The following CAST variants were observed in gnomAD, a reference collection of about 807,000 sequenced individuals.
CAST encodes the protein calpastatin.
Under a neutral mutation model 119.6 loss-of-function variants are expected in CAST, and 76 were observed. The observed-to-expected ratio is 0.64, with a 90% confidence interval of 0.53 to 0.77. The LOEUF (loss-of-function observed/expected upper bound fraction) is 0.77. Ranked by LOEUF, CAST falls within the 30% of genes least tolerant of loss-of-function variation. CAST has a pLI of 0.00. For synonymous variants in CAST, 319 were observed against 331.6 expected, an observed-to-expected ratio of 0.96 and a Z score of 0.41; for missense variants, 953 against 946.5, an observed-to-expected ratio of 1.01 and a Z score of -0.09.
At chr5:96,299,005 C>T in the CAST span, among the ~76,000 whole-genome samples, 3 of 151,518 alleles carry the variant, frequency 2.0e-5, no homozygotes, top group South Asian at 2.1e-4. Flanking sequence ...TTTGGGAGGC[C>T]GAGGCGGATG....
At chr5:96,211,932 A>G in the CAST span, among the ~76,000 whole-genome samples, 1 of 152,108 alleles carries the variant, frequency 6.6e-6, no homozygotes, top group African/African-American at 2.4e-5. Context: ...TTGCCACAGT[A>G]TTCCCATATT....
the CAST span, among the ~76,000 whole-genome samples, chr5:96,320,515 G>C: frequency 6.6e-6 from 1 of 152,176 alleles, no homozygotes; most frequent in African/African-American, 2.4e-5. Context: ...TGGGATTACA[G>C]GCGTGAGTCA....
chr5:96,062,529 C>T, the CAST span, among the ~76,000 whole-genome samples: 3 of 152,238 alleles, frequency 2.0e-5, no homozygotes, highest in Admixed American at 1.3e-4. Context: ...AGAGGTCCTG[C>T]TTCTCAGAAG....
the CAST span, among the ~76,000 whole-genome samples, chr5:96,225,493 A>G: frequency 2.6e-5 from 4 of 152,222 alleles, no homozygotes; most frequent in Non-Finnish European, 2.9e-5. Context: ...GTGGAAGTCT[A>G]AAAATAAAGA....
At chr5:96,735,126 G>A (rs565974966) in intron 9 of CAST, among the ~76,000 whole-genome samples, 1 of 152,206 alleles carries the variant, frequency 6.6e-6, no homozygotes, top group Non-Finnish European at 1.5e-5. Flanking sequence ...CATTGCAATT[G>A]TAACAGTCAC....
At chr5:96,371,588 T>TCA in the CAST span, among the ~76,000 whole-genome samples, 1 of 152,222 alleles carries the variant, frequency 6.6e-6, no homozygotes, top group Non-Finnish European at 1.5e-5. Flanking sequence ...ATTAGGAGGC[T>TCA]CTCTGTCTCT....
chr5:95,978,663 G>C, the CAST span, among the ~76,000 whole-genome samples: 114 of 152,036 alleles, frequency 7.5e-4, 1 homozygote, highest in African/African-American at 2.1e-3. Context: ...GATCCTATTT[G>C]TCAATTTTTG....
the CAST span, among the ~76,000 whole-genome samples, chr5:96,328,372 C>A: frequency 1.0e-4 from 1 of 9,786 alleles, no homozygotes; most frequent in African/African-American, 5.2e-4. Flanking sequence ...TCTGTCTTTC[C>A]TTCTCTCTCC....
chr5:96,274,884 T>C, the CAST span, among the ~76,000 whole-genome samples: 1 of 152,046 alleles, frequency 6.6e-6, no homozygotes, highest in African/African-American at 2.4e-5. Context: ...AAAAGAAGGG[T>C]CTACAGAAAA....
the CAST span, among the ~76,000 whole-genome samples, chr5:96,174,299 CTTCTAG>C: frequency 6.6e-6 from 1 of 152,200 alleles, no homozygotes. Context: ...TTGGGCCACA[CTTCTAG>C]TTCAAGTTAC....
chr5:96,416,118 G>A, the CAST span: 141 of 1,602,982 alleles, frequency 8.8e-5, 6 homozygotes, highest in Middle Eastern at 6.6e-4. Flanking sequence ...ATCTGGTCCC[G>A]TGTCTGAGGA....
chr5:96,698,706 A>G (rs190053518), intron 3 of CAST, among the ~76,000 whole-genome samples: 136 of 152,328 alleles, frequency 8.9e-4, no homozygotes, highest in Admixed American at 1.0e-3. Flanking sequence ...CACAGTTATC[A>G]TGGCACACAC....
At chr5:96,192,696 A>G in the CAST span, among the ~76,000 whole-genome samples, 7 of 152,210 alleles carry the variant, frequency 4.6e-5, no homozygotes, top group African/African-American at 9.6e-5. Context: ...AGACTTGGCC[A>G]TGTGTCTTGC....
chr5:96,632,769 G>T (rs1028567184), intron 1 of CAST, among the ~76,000 whole-genome samples: 1 of 152,088 alleles, frequency 6.6e-6, no homozygotes, highest in Non-Finnish European at 1.5e-5. Context: ...GTGTGGACTC[G>T]CAGTTCTATT....
chr5:96,601,482 AT>A (rs1247646578), intron 1 of CAST, among the ~76,000 whole-genome samples: 1 of 152,224 alleles, frequency 6.6e-6, no homozygotes, highest in South Asian at 2.1e-4. Context: ...ATTTGAAAGG[AT>A]TTTTTTAAAT....
At chr5:95,977,465 T>C in the CAST span, among the ~76,000 whole-genome samples, 1 of 152,240 alleles carries the variant, frequency 6.6e-6, no homozygotes, top group Non-Finnish European at 1.5e-5. Context: ...ATTCACACTG[T>C]GCTTATGCTT....
intron 1 of CAST, among the ~76,000 whole-genome samples, chr5:96,536,241 C>A (rs1387430551): frequency 6.6e-6 from 1 of 151,926 alleles, no homozygotes. Context: ...CGCCTGTAAT[C>A]CCAGTTACTA....
chr5:96,027,288 G>A, the CAST span, among the ~76,000 whole-genome samples: 1 of 151,460 alleles, frequency 6.6e-6, no homozygotes, highest in African/African-American at 2.4e-5. Context: ...TTGATTACTG[G>A]AAATGCAAAT....
the CAST span, among the ~76,000 whole-genome samples, chr5:96,233,620 T>C: frequency 7.2e-5 from 11 of 152,122 alleles, no homozygotes; most frequent in African/African-American, 2.7e-4. Context: ...ATACAATATT[T>C]TCTCTCCTTG....
Sources: allele counts gnomAD v4.1 joint callset (sites outside exome capture counted in the v4.1 genomes callset), GRCh38; gene constraint gnomAD v4.1.1; transcripts MANE v1.5; gene names NCBI Gene and HGNC (gene_info 2026-07-23, HGNC 2026-07-21).